LONRF2: variants seen among roughly 807,000 people sequenced by gnomAD.
LONRF2 encodes LON peptidase N-terminal domain and ring finger 2.
In LONRF2, 35 loss-of-function variants were observed where a neutral mutation model predicts 66.6. The observed-to-expected ratio is 0.53, with a 90% CI of 0.40 to 0.70. The LOEUF is 0.70. Ranked by LOEUF, LONRF2 falls within the 30% of genes least tolerant of loss-of-function variation. The pLI is 0.00. For missense variants in LONRF2, 902 were observed against 1,002.1 expected (o/e 0.90, Z 1.35); for synonymous variants, 417 against 418.1 (o/e 1.00, Z 0.03).
intron 10 of LONRF2, among the ~76,000 whole-genome samples, chr2:100,287,928 T>C (rs1333436106): frequency 6.6e-6 from 1 of 152,246 alleles, no homozygotes; most frequent in Non-Finnish European, 1.5e-5. Flanking sequence ...TTCCAGTACC[T>C]ACAAAAACTA....
At chr2:100,292,735 A>G (rs191323039) in intron 9 of LONRF2, among the ~76,000 whole-genome samples, 26 of 152,334 alleles carry the variant, frequency 1.7e-4, no homozygotes, top group African/African-American at 6.3e-4. Flanking sequence ...TTGTATAAAA[A>G]ATCTTTCCCC....
chr2:100,308,821 T>C (rs1271338539), intron 2 of LONRF2, among the ~76,000 whole-genome samples: 3 of 140,864 alleles, frequency 2.1e-5, no homozygotes, highest in Non-Finnish European at 4.8e-5. Flanking sequence ...CTTTATAAAA[T>C]TTGATGATTT....
chr2:100,311,254 A>G (rs942504071), intron 1 of LONRF2, among the ~76,000 whole-genome samples: 4 of 152,136 alleles, frequency 2.6e-5, no homozygotes, highest in African/African-American at 9.7e-5. Flanking sequence ...GAAATATACA[A>G]TTCTCCTTTG....
intron 7 of LONRF2, among the ~76,000 whole-genome samples, chr2:100,296,589 G>A (rs569714432): frequency 3.9e-5 from 6 of 152,254 alleles, no homozygotes; most frequent in South Asian, 2.1e-4. Context: ...TGTGGTTGGT[G>A]TGAAACAAAC....
chr2:100,314,092 C>T (rs1386794504), intron 1 of LONRF2, among the ~76,000 whole-genome samples: 2 of 151,918 alleles, frequency 1.3e-5, no homozygotes, highest in Non-Finnish European at 2.9e-5. Context: ...TTTTGATGGA[C>T]ATAAGCATTC....
Position 100,322,301 on chromosome 2 carries a change from A to T in LONRF2, c.-208T>A, listed in dbSNP as rs918148115. 1.6e-4 allele frequency: 60 copies of T among 386,056 alleles called. No homozygotes were observed. The highest frequency in any genetic ancestry group is 2.9e-4 in the Admixed American group (6 of 20,408). 23.9% of individuals were successfully genotyped at this position (386,056 alleles called of 1,614,324 possible). A position where few individuals can be genotyped will look rare whatever the true frequency, so the allele number is the denominator to read the frequency against. ...CGTCCTCAGCGCGGTGTGGGCGGCG[A>T]GCCCCGCAGGGCTGCAATCGTTCCG... On this transcript the variant is annotated 5_prime_UTR_variant, in exon 1 of 12. Coordinates refer to ENST00000393437, the MANE Select transcript of LONRF2 (RefSeq NM_198461.4).
intron 7 of LONRF2, among the ~76,000 whole-genome samples, chr2:100,295,897 G>A (rs986722198): frequency 6.6e-6 from 1 of 152,228 alleles, no homozygotes; most frequent in Admixed American, 6.5e-5. Flanking sequence ...CTTGGAAAGT[G>A]AAGAACTGGA....
rs1674507527 is a variant in LONRF2 at position 100,271,887 on chromosome 2, T to C, written c.*12411A>G. ...CATGTCTAAGTACTCATTTTCCTTA[T>C]GACTCCGAGCTTTATTTCCAACAAT... On this transcript the variant is annotated 3_prime_UTR_variant, in exon 12 of 12. Coordinates refer to ENST00000393437, the MANE Select transcript of LONRF2 (RefSeq NM_198461.4). 6.6e-6 allele frequency among the ~76,000 whole-genome samples: 1 copy of C among 152,260 alleles called. No homozygotes were observed. Among genetic ancestry groups the C allele is most frequent in the Non-Finnish European group, 1.5e-5 (1 of 68,044 alleles).
intron 2 of LONRF2, among the ~76,000 whole-genome samples, chr2:100,304,482 T>C (rs1675248748): frequency 6.6e-6 from 1 of 152,164 alleles, no homozygotes; most frequent in Non-Finnish European, 1.5e-5. Flanking sequence ...CTGTTGAGAT[T>C]GCTCTTAAGT....
chr2:100,301,117 C>T (rs973284403), intron 3 of LONRF2, among the ~76,000 whole-genome samples: 2 of 152,158 alleles, frequency 1.3e-5, no homozygotes, highest in African/African-American at 2.4e-5. Flanking sequence ...GTAAAGGTTG[C>T]TGGGGGCCTT....
In LONRF2 at chr2:100,287,080, G is replaced by A. The variant is rs762271847; in HGVS notation, c.1921-17C>T. The A allele has an allele frequency of 2.5e-6, 4 of 1,611,622 alleles. No individual in the cohort carries two copies. The South Asian group carries it at 4.4e-5, about 18-fold the overall frequency. Reference sequence around the variant, plus strand: ...ACCCTCCACCTGATCAGGGAAAGAGGCACAGCTGTGTGAACCATTCACAGT... The same window carrying A: ...ACCCTCCACCTGATCAGGGAAAGAGACACAGCTGTGTGAACCATTCACAGT... On this transcript the variant is annotated splice_polypyrimidine_tract_variant and intron_variant, in intron 10 of 11. Transcript: ENST00000393437.
At chr2:100,321,048 G>A (rs1675611218) in intron 1 of LONRF2, among the ~76,000 whole-genome samples, 1 of 152,154 alleles carries the variant, frequency 6.6e-6, no homozygotes. Flanking sequence ...TTCTGCGCCT[G>A]TAGTGTGTCA....
chr2:100,304,768 C>T (rs534700383), intron 2 of LONRF2, among the ~76,000 whole-genome samples: 20 of 147,896 alleles, frequency 1.4e-4, no homozygotes, highest in East Asian at 4.0e-4. Flanking sequence ...GGACTACAGG[C>T]GCCTGCCACC....
rs1377025257 is a variant in LONRF2, at chr2:100,274,945, AC to A, written c.*9352del. The stretch of plus-strand genomic sequence containing the variant: ...GAATTAAACGTGGGTACATTTCGAT[AC>A]CACGGGCACAGTGAGCAGGGTGAGT... On this transcript the variant is annotated 3_prime_UTR_variant, in exon 12 of 12. Transcript: ENST00000393437. 6.6e-6 allele frequency: 1 copy of A among 152,258 alleles called. No individual in the cohort carries two copies. The highest frequency in any genetic ancestry group is 1.5e-5 in the Non-Finnish European group (1 of 68,058). The allele number at this position is 152,258 out of a possible 1,614,324, so 9.4% of individuals were successfully genotyped here.
intron 7 of LONRF2, among the ~76,000 whole-genome samples, chr2:100,296,206 G>A (rs757406155): frequency 2.5e-4 from 38 of 152,196 alleles, no homozygotes; most frequent in East Asian, 3.9e-4. Flanking sequence ...GTGTGTGTGC[G>A]CGTGTGTATG....
intron 2 of LONRF2, 43 bp downstream of exon 2, chr2:100,309,064 A>G (rs769761745): frequency 1.5e-6 from 2 of 1,296,300 alleles, no homozygotes; most frequent in Non-Finnish European, 2.1e-6. Context: ...AAAATCATAT[A>G]AACTTCACAT....
At chr2:100,311,428 G>A (rs567569095) in intron 1 of LONRF2, among the ~76,000 whole-genome samples, 35 of 152,170 alleles carry the variant, frequency 2.3e-4, no homozygotes, top group Middle Eastern at 3.4e-3. Flanking sequence ...TATGCCTGCT[G>A]CAAACCTGTG....
At chr2:100,297,987 GA>G (rs59444581) in intron 7 of LONRF2, among the ~76,000 whole-genome samples, 43,317 of 151,256 alleles carry the variant, frequency 0.29, 7,275 homozygotes, top group East Asian at 0.46. Flanking sequence ...TTTGTAAAAA[GA>G]AAAAAAAACT....
At chr2:100,292,391 A>G (rs752899207) in intron 9 of LONRF2, among the ~76,000 whole-genome samples, 7 of 152,198 alleles carry the variant, frequency 4.6e-5, no homozygotes, top group Non-Finnish European at 1.0e-4. Context: ...CAAGGTCATT[A>G]GCAATTTGTT....
Sources: gnomAD v4.1 joint callset for allele counts (sites outside exome capture counted in the v4.1 genomes callset) on GRCh38, gnomAD v4.1.1 for gene constraint, MANE v1.5 for transcripts, NCBI Gene and HGNC (gene_info 2026-07-23, HGNC 2026-07-21) for gene names.